The following HM13 variants were observed in gnomAD, a reference collection of about 807,000 sequenced individuals.
The protein encoded by HM13 is histocompatibility minor 13.
In HM13, 18 loss-of-function variants were observed where a neutral mutation model predicts 50.0. The ratio of observed to expected loss-of-function variants is 0.36; its 90% CI spans 0.25 to 0.53. The LOEUF (loss-of-function observed/expected upper bound fraction) is 0.53. Ranked by LOEUF, HM13 falls within the 20% of genes least tolerant of loss-of-function variation. The probability of loss-of-function intolerance (pLI) is 0.90; values close to 1 mark genes in which losing one functional copy is unlikely to be tolerated. For synonymous variants in HM13, 197 were observed against 232.6 expected (o/e 0.85, Z 1.39); for missense variants, 393 against 552.4 (o/e 0.71, Z 2.89).
At chr20:31,561,530 C>T (rs1984610825) in intron 9 of HM13, 104 bp from the exon 10 acceptor site, 7 of 776,862 alleles carry the variant, frequency 9.0e-6, no homozygotes, top group Non-Finnish European at 1.6e-5. Context: ...GCTCAGTCAC[C>T]CCCCCACAAC....
Position 31,569,261 on chromosome 20 carries a change from T to G in HM13, c.*42T>G. 1 of 1,372,646 alleles carries G rather than the reference T, an allele frequency of 7.3e-7. No individual in the cohort carries two copies. The highest frequency in any genetic ancestry group is 1.0e-6 in the Non-Finnish European group (1 of 984,264). 85.0% of individuals were successfully genotyped at this position (1,372,646 alleles called of 1,614,324 possible). A position where few individuals can be genotyped will look rare whatever the true frequency, so the allele number is the denominator to read the frequency against. ...GCCTCTCAGGGCCAGACCAGACAGA[T>G]GGGGGCTGGGCCCACACAGGCGTGC... On this transcript the variant is annotated 3_prime_UTR_variant, in exon 13 of 13. Coordinates refer to ENST00000398174, the MANE Select transcript of HM13 (RefSeq NM_178581.3).
At chr20:31,547,294 C>G (rs558504237) in intron 4 of HM13, 1 of 250,832 alleles carries the variant, frequency 4.0e-6, no homozygotes, top group African/African-American at 2.3e-5. Flanking sequence ...GCGGGCCAAG[C>G]GCAGTCGTGA....
Position 31,541,729 on chromosome 20 carries a change from T to C in HM13, c.366-3218T>C, listed in dbSNP as rs367978207. Reference sequence around the variant, plus strand: ...TCTACCAATTAAATGGATGTTTCAATTAAATCGAGTTTTCTTAAATATTTT... The same window carrying C: ...TCTACCAATTAAATGGATGTTTCAACTAAATCGAGTTTTCTTAAATATTTT... On this transcript the variant is annotated intron_variant, in intron 3 of 12. Coordinates refer to ENST00000398174, the MANE Select transcript of HM13 (RefSeq NM_178581.3). The C allele has an allele frequency of 1.1e-4, 16 of 152,362 alleles. No individual in the cohort carries two copies. The East Asian group carries it at 3.1e-3, about 29-fold the overall frequency. 9.4% of individuals were successfully genotyped at this position (152,362 alleles called of 1,614,324 possible). A position where few individuals can be genotyped will look rare whatever the true frequency, so the allele number is the denominator to read the frequency against.
At chr20:31,550,226 C>T (rs1221417856) in intron 7 of HM13, 105 bp downstream of exon 7, 6 of 812,996 alleles carry the variant, frequency 7.4e-6, no homozygotes, top group Non-Finnish European at 1.3e-5. Context: ...TCCCCATGTA[C>T]CTCTTCCTCC....
At chr20:31,566,435 C>T in intron 11 of HM13, 140 bp downstream of exon 11, 1 of 702,136 alleles carries the variant, frequency 1.4e-6, no homozygotes, top group Non-Finnish European at 2.5e-6. Context: ...CCTTTTTCAG[C>T]AGTACATGGG....
intron 2 of HM13, chr20:31,527,787 C>A: frequency 1.9e-6 from 1 of 532,830 alleles, no homozygotes; most frequent in Non-Finnish European, 3.3e-6. Flanking sequence ...TTCTTTTCTC[C>A]ATGTAGCTTT....
intron 11 of HM13, among the ~76,000 whole-genome samples, chr20:31,566,737 C>T (rs1031521658): frequency 2.6e-5 from 4 of 152,082 alleles, no homozygotes; most frequent in African/African-American, 7.2e-5. Context: ...AGGCAGGTGT[C>T]AGTCCCTGTT....
rs775892685 is a variant in HM13, at chr20:31,545,009, C to T, written c.428C>T (p.Thr143Ile). The T allele has an allele frequency of 6.2e-7, 1 of 1,614,224 alleles. No homozygotes were observed. Among genetic ancestry groups the T allele is most frequent in the South Asian group, 1.1e-5 (1 of 91,090 alleles). Reference sequence around the variant, plus strand: ...AATCGACAGTACCAGCTGCTCTTCACACAGGGTTCTGGGGAAAACAAGGAA... The same window carrying T: ...AATCGACAGTACCAGCTGCTCTTCATACAGGGTTCTGGGGAAAACAAGGAA... The part of the protein sequence containing the change: ...FPNRQYQLLF[T>I]QGSGENKEEI... Residue 143 changes from threonine (T) to isoleucine (I), a missense_variant, in exon 4 of 13, where the codon ACA (threonine) becomes ATA (isoleucine). Coordinates refer to ENST00000398174, the MANE Select transcript of HM13 (RefSeq NM_178581.3).
At chr20:31,567,968 T>C in intron 11 of HM13, 110 bp from the exon 12 acceptor site, 1 of 987,184 alleles carries the variant, frequency 1.0e-6, no homozygotes, top group East Asian at 2.9e-5. Context: ...CAAAAATAGG[T>C]AAAAACAAGA....
intron 3 of HM13, 194 bp downstream of exon 3, chr20:31,538,455 T>G (rs1384861820): frequency 1.4e-6 from 2 of 1,428,810 alleles, no homozygotes; most frequent in Non-Finnish European, 9.2e-7. Flanking sequence ...CACAGTTTCC[T>G]TATAGACATG....
intron 4 of HM13, among the ~76,000 whole-genome samples, chr20:31,545,749 CAG>C (rs1351000593): frequency 9.2e-5 from 14 of 152,154 alleles, no homozygotes; most frequent in African/African-American, 2.2e-4. Context: ...TTTTTTGAGA[CAG>C]AGTCTTGTTC....
intron 2 of HM13, among the ~76,000 whole-genome samples, chr20:31,533,081 T>G (rs899169418): frequency 6.6e-6 from 1 of 152,064 alleles, no homozygotes; most frequent in African/African-American, 2.4e-5. Flanking sequence ...CCTCCTGGCC[T>G]CCCCCCTGAC....
intron 12 of HM13, 129 bp downstream of exon 12, chr20:31,568,353 T>A: frequency 7.7e-7 from 1 of 1,299,412 alleles, no homozygotes; most frequent in Non-Finnish European, 1.0e-6. Context: ...GAGCAGCTCC[T>A]CCACAACCAC....
In HM13 at chr20:31,536,220, G is replaced by A. The variant is rs147605539; in HGVS notation, c.283-1959G>A. Among the ~76,000 whole-genome samples the A allele has an allele frequency of 4.7e-3, 722 of 152,226 alleles. 7 individuals carry two copies. The highest frequency in any genetic ancestry group is 0.016 in the African/African-American group (679 of 41,540). ...CTCTACTAAAAATACAAAATTAGCC[G>A]GGCATGGTGGTGCATGCTTGTAATC... On this transcript the variant is annotated intron_variant, in intron 2 of 12. Coordinates refer to ENST00000398174, the MANE Select transcript of HM13 (RefSeq NM_178581.3).
chr20:31,554,987 G>A (rs916058130), intron 8 of HM13, among the ~76,000 whole-genome samples, 158 bp downstream of exon 8: 3 of 152,236 alleles, frequency 2.0e-5, no homozygotes, highest in Non-Finnish European at 4.4e-5. Flanking sequence ...CTTAACATCC[G>A]TTTACGGAGG....
chr20:31,548,950 CCCT>C (rs1362590548), intron 4 of HM13, 76 bp from the exon 5 acceptor site: 2 of 1,243,842 alleles, frequency 1.6e-6, no homozygotes, highest in Non-Finnish European at 2.4e-6. Flanking sequence ...CACAGCCATG[CCCT>C]CCTCCGTCCA....
At chr20:31,531,273 A>G (rs1982798503) in intron 2 of HM13, among the ~76,000 whole-genome samples, 1 of 152,128 alleles carries the variant, frequency 6.6e-6, no homozygotes, top group South Asian at 2.1e-4. Context: ...TCCTGGCCTT[A>G]GGTAATCCAC....
intron 5 of HM13, 28 bp from the exon 6 acceptor site, chr20:31,549,179 A>G: frequency 6.2e-7 from 1 of 1,614,174 alleles, no homozygotes; most frequent in Non-Finnish European, 8.5e-7. Context: ...GGTCACAGCA[A>G]GCTGGTCTCA....
At chr20:31,522,742 AATG>A (rs1600615389) in intron 1 of HM13, among the ~76,000 whole-genome samples, 1 of 152,132 alleles carries the variant, frequency 6.6e-6, no homozygotes, top group East Asian at 1.9e-4. Context: ...TTTGCATAAT[AATG>A]ATACAAATGG....
Sources: gnomAD v4.1 joint callset for allele counts (sites outside exome capture counted in the v4.1 genomes callset) on GRCh38, gnomAD v4.1.1 for gene constraint, MANE v1.5 for transcripts, NCBI Gene and HGNC (gene_info 2026-07-23, HGNC 2026-07-21) for gene names.